Variants in LRRC43 observed in about 807,000 individuals in gnomAD.
LRRC43 encodes leucine rich repeat containing 43.
A neutral mutation model predicts 64.3 loss-of-function variants in LRRC43; 62 were observed. That is an observed-to-expected ratio of 0.96 (90% CI 0.79 to 1.19). LRRC43 has a LOEUF of 1.19. Ranked by LOEUF, LRRC43 falls within the 50% of genes most tolerant of loss-of-function variation. LRRC43 has a pLI of 0.00. For missense variants in LRRC43, 868 were observed against 845.0 expected (o/e 1.03, Z -0.34); for synonymous variants, 422 against 382.3 (o/e 1.10, Z -1.21).
chr12:122,193,649 C>T (rs1456135015), intron 7 of LRRC43, among the ~76,000 whole-genome samples: 3 of 152,162 alleles, frequency 2.0e-5, no homozygotes, highest in Admixed American at 2.0e-4. Flanking sequence ...ACTGCATCCT[C>T]CATCTCCCGG....
upstream of LRRC43, among the ~76,000 whole-genome samples, chr12:122,181,806 A>G (rs1953584215): frequency 6.6e-6 from 1 of 150,856 alleles, no homozygotes; most frequent in African/African-American, 2.4e-5. Flanking sequence ...GGGTTTCACC[A>G]TGTTGATCAG....
chr12:122,193,328 C>A (rs1368793040), intron 7 of LRRC43, among the ~76,000 whole-genome samples: 1 of 140,894 alleles, frequency 7.1e-6, no homozygotes, highest in Non-Finnish European at 1.5e-5. Context: ...TTGCAGTGAG[C>A]CGAGATCGTG....
At position 122,203,389 on chromosome 12, in the gene LRRC43, C is replaced by T; in HGVS notation, c.1918C>T (p.Gln640Ter). The change falls in exon 12 of 12, where the codon CAG becomes TAG. Residue 640 changes from glutamine (Q) to a stop codon, truncating the protein, a stop_gained. Coordinates refer to ENST00000339777, the MANE Select transcript of LRRC43 (RefSeq NM_001098519.2). LOFTEE classifies it low-confidence loss of function (END_TRUNC). ...GCCCCTGACCGTAGAGGTGCAGATC[C>T]AGCTGAACCAGTGCCGCTCGGCGGA... ...PEPLTVEVQI[Q>*]LNQCRSAEEA... 1 of 1,613,118 alleles carries T rather than the reference C, an allele frequency of 6.2e-7. No individual in the cohort carries two copies. The highest frequency in any genetic ancestry group is 8.5e-7 in the Non-Finnish European group (1 of 1,179,844).
rs770778951 is a variant in LRRC43 at position 122,201,437 on chromosome 12, G to A, written c.1843+108G>A. On this transcript the variant is annotated intron_variant, in intron 11 of 11. Transcript: ENST00000339777. ...CAAAGGGTGGGGAATGGTAGCTTCT[G>A]GCCTGGGGAGAGGCCACATCCCCCC... The A allele has an allele frequency of 3.1e-4, 302 of 976,186 alleles. 2 individuals carry two copies. Among genetic ancestry groups the A allele is most frequent in the Admixed American group, 4.2e-4 (23 of 54,604 alleles). The allele number at this position is 976,186 out of a possible 1,614,324, so 60.5% of individuals were successfully genotyped here.
intron 1 of LRRC43, chr12:122,173,863 G>A (rs775193156): frequency 8.1e-6 from 13 of 1,613,804 alleles, no homozygotes; most frequent in East Asian, 2.2e-5. Context: ...AAGCATCTTC[G>A]AGAGGGACTG....
Position 122,183,322 on chromosome 12 carries a change from G to C in LRRC43, c.150+28G>C, listed in dbSNP as rs1468594493. ...GCGGGCGCCGGGGCCGGAACTCTGG[G>C]GGCCTGGACCGGCTGCGGGGAGGCA... On this transcript the variant is annotated intron_variant, in intron 1 of 11. Coordinates refer to ENST00000339777, the MANE Select transcript of LRRC43 (RefSeq NM_001098519.2). 2.8e-6 allele frequency: 4 copies of C among 1,433,326 alleles called. No individual in the cohort carries two copies. In the Admixed American group the frequency reaches 1.2e-4, roughly 44 times the overall value. 88.8% of individuals were successfully genotyped at this position (1,433,326 alleles called of 1,614,324 possible).
Position 122,203,328 on chromosome 12 carries a change from C to G in LRRC43, c.1857C>G (p.Ala619=). 6.2e-7 allele frequency: 1 copy of G among 1,612,670 alleles called. No individual in the cohort carries two copies. Among genetic ancestry groups the G allele is most frequent in the Non-Finnish European group, 8.5e-7 (1 of 1,179,890 alleles). ...KKVAKKEKPK[A]VIPIYEGDYH... The stretch of plus-strand genomic sequence containing the variant: ...AAATTTTCTCAGAAAAGCCGAAAGC[C>G]GTGATTCCGATCTACGAAGGCGATT... Residue 619 remains alanine, a synonymous_variant, in exon 12 of 12, where the codon GCC becomes GCG. Coordinates refer to ENST00000339777, the MANE Select transcript of LRRC43 (RefSeq NM_001098519.2).
At chr12:122,191,325 T>C in intron 5 of LRRC43, 55 bp from the exon 6 acceptor site, 2 of 1,500,560 alleles carry the variant, frequency 1.3e-6, no homozygotes, top group South Asian at 1.3e-5. Flanking sequence ...TCTTGCTTTC[T>C]ATCTGCCAAC....
In LRRC43 at chr12:122,186,194, C is replaced by T. The variant is rs182225221; in HGVS notation, c.416C>T (p.Thr139Ile). ...GCTTCCTCTCCCCTCTTCCAGGTCA[C>T]CCTGGTGGATAAAGACCTCCTGAAA... Reference protein sequence around the residue: ...RSLRVIDKKVTLVDKDLLKFL... With the variant: ...RSLRVIDKKVILVDKDLLKFL... The change falls in exon 3 of 12, where the codon ACC becomes ATC. Residue 139 changes from threonine to isoleucine, a missense_variant. Coordinates refer to ENST00000339777, the MANE Select transcript of LRRC43 (RefSeq NM_001098519.2). 1,482 of 1,579,976 alleles carry T rather than the reference C, an allele frequency of 9.4e-4. 8 individuals carry two copies. In the Middle Eastern group the frequency reaches 0.015, roughly 16 times the overall value.
In LRRC43 at chr12:122,175,092, G is replaced by A. The variant is rs555011896; in HGVS notation, c.-406+7310G>A. 7.9e-5 allele frequency among the ~76,000 whole-genome samples: 12 copies of A among 151,932 alleles called. No individual in the cohort carries two copies. The East Asian group carries it at 1.5e-3, about 20-fold the overall frequency. ...TGACCTCAGGTGATCTGCCTGCCTCGGCTTCCCAAAGTGCTGGAATTACAG... is the reference window on the plus strand; with the variant it reads ...TGACCTCAGGTGATCTGCCTGCCTCAGCTTCCCAAAGTGCTGGAATTACAG... On this transcript the variant is annotated intron_variant, in intron 1 of 5. Coordinates refer to the LRRC43 transcript ENST00000537729.
Position 122,187,196 on chromosome 12 carries a change from A to T in LRRC43, c.523-505A>T, listed in dbSNP as rs557178753. ...CAGTGAGCCAAGATTGTGCCACTGC[A>T]CTCCAGCCTGGGCAACAGAGCGAGA... is the stretch of plus-strand genomic sequence containing the variant. On this transcript the variant is annotated intron_variant, in intron 3 of 11. Coordinates refer to ENST00000339777, the MANE Select transcript of LRRC43 (RefSeq NM_001098519.2). 1.5e-3 allele frequency among the ~76,000 whole-genome samples: 226 copies of T among 152,270 alleles called. 1 individual carries two copies. Among genetic ancestry groups the T allele is most frequent in the African/African-American group, 5.3e-3 (219 of 41,544 alleles).
At position 122,186,249 on chromosome 12, in the gene LRRC43, C is replaced by T. The variant is rs184399723; in HGVS notation, c.471C>T (p.Ser157=). 421 of 1,606,430 alleles carry T rather than the reference C, an allele frequency of 2.6e-4. 5 individuals carry two copies. In the East Asian group the frequency reaches 7.3e-3, roughly 28 times the overall value. The change falls in exon 3 of 12, where the codon AGC becomes AGT. Residue 157 remains serine (S), a synonymous_variant. Coordinates refer to ENST00000339777, the MANE Select transcript of LRRC43 (RefSeq NM_001098519.2). The part of the protein sequence containing the change: ...KFLKLEELVL[S]ANRIKEVDAT... ...TAAAGCTGGAGGAGTTGGTACTGAG[C>T]GCCAATCGAATCAAGGAGGTGGATG...
At chr12:122,176,110 C>T (rs1953535169) in intron 1 of LRRC43, among the ~76,000 whole-genome samples, 1 of 152,164 alleles carries the variant, frequency 6.6e-6, no homozygotes. Flanking sequence ...CATAAATAAG[C>T]TAGAAAGCAC....
At chr12:122,180,816 T>C (rs1953575043), upstream of LRRC43, among the ~76,000 whole-genome samples, 1 of 152,236 alleles carries the variant, frequency 6.6e-6, no homozygotes. Flanking sequence ...CTTCTCTTCC[T>C]TCACTGCACA....
chr12:122,198,083 C>T (rs188125203), intron 7 of LRRC43, among the ~76,000 whole-genome samples: 1 of 151,766 alleles, frequency 6.6e-6, no homozygotes, highest in African/African-American at 2.4e-5. Flanking sequence ...CGGGTTCAAG[C>T]GATTCTCCTG....
intron 1 of LRRC43, chr12:122,172,520 G>A (rs917118259): frequency 1.7e-5 from 28 of 1,613,782 alleles, no homozygotes; most frequent in Non-Finnish European, 2.3e-5. Flanking sequence ...ATTCATGGGT[G>A]TCTGTTGGCA....
Position 122,200,822 on chromosome 12 carries a change from G to T in LRRC43, c.1697G>T (p.Gly566Val). The T allele has an allele frequency of 6.2e-7, 1 of 1,613,162 alleles. No homozygotes were observed. Among genetic ancestry groups the T allele is most frequent in the South Asian group, 1.1e-5 (1 of 91,084 alleles). ...GACCCCCCCATCCTCCAGGTGCTGG[G>T]CCGGGGCCTGGTGATCCTGGAGCCC... ...RQDPPILQVL[G>V]RGLVILEPLL... The change falls in exon 10 of 12, where the codon GGC becomes GTC. Residue 566 changes from glycine (G) to valine (V), a missense_variant. Coordinates refer to ENST00000339777, the MANE Select transcript of LRRC43 (RefSeq NM_001098519.2). The surrounding 1 kb of genome is among the most constrained non-coding windows in gnomAD (Gnocchi z 4.6).
intron 6 of LRRC43, among the ~76,000 whole-genome samples, chr12:122,192,366 G>A (rs896182736): frequency 2.0e-5 from 3 of 151,368 alleles, no homozygotes; most frequent in African/African-American, 7.3e-5. Context: ...TGGATCTCCT[G>A]ACCTCGTGAT....
chr12:122,169,710 C>A (rs369320881), intron 1 of LRRC43, among the ~76,000 whole-genome samples: 2 of 123,334 alleles, frequency 1.6e-5, no homozygotes, highest in African/African-American at 6.5e-5. Context: ...AGCGAGACTC[C>A]GTCTCAAAAA....
Sources: allele counts gnomAD v4.1 joint callset (sites outside exome capture counted in the v4.1 genomes callset), GRCh38; gene constraint gnomAD v4.1.1; non-coding constraint Gnocchi (gnomAD v3.1); transcripts MANE v1.5; gene names NCBI Gene and HGNC (gene_info 2026-07-23, HGNC 2026-07-21).